The following ZNF12 variants were observed in gnomAD, a reference collection of about 807,000 sequenced individuals.
The protein encoded by ZNF12 is zinc finger protein 12.
ZNF12 carries 34 observed loss-of-function variants against 66.6 expected under a neutral mutation model. That is an observed-to-expected ratio of 0.51 (90% confidence interval 0.39 to 0.68). ZNF12 has a LOEUF of 0.68. ZNF12 is among the 30% of genes least tolerant of loss of function. The probability of loss-of-function intolerance (pLI) is 0.00; values close to 1 mark genes in which losing one functional copy is unlikely to be tolerated. For synonymous variants in ZNF12, 320 were observed against 278.9 expected (o/e 1.15, Z -1.47); for missense variants, 697 against 826.9 (o/e 0.84, Z 1.93).
In ZNF12 at chr7:6,697,670, G is replaced by C. The variant is rs1780173782; in HGVS notation, c.142+15C>G. On this transcript the variant is annotated intron_variant, in intron 3 of 4. Coordinates refer to ENST00000405858, the MANE Select transcript of ZNF12 (RefSeq NM_016265.4). This position sits in a 1 kb window ranked among gnomAD's most constrained non-coding sequence, Gnocchi z 6.1. ...CCCATATATTTTAGCAACTGAGAAA[G>C]CAAGCTATCCTCACCCACAGAAACT... 1 of 1,613,042 alleles carries C rather than the reference G, an allele frequency of 6.2e-7. No homozygotes were observed. The highest frequency in any genetic ancestry group is 1.1e-5 in the South Asian group (1 of 90,768).
At position 6,696,438 on chromosome 7, in the gene ZNF12, G is replaced by C. The variant is rs3801039; in HGVS notation, c.238+901C>G. 0.35 allele frequency among the ~76,000 whole-genome samples: 53,732 copies of C among 152,032 alleles called. 10,623 individuals carry two copies. The highest frequency in any genetic ancestry group is 0.55 in the African/African-American group (22,736 of 41,476). On this transcript the variant is annotated intron_variant, in intron 4 of 4. Coordinates refer to ENST00000405858, the MANE Select transcript of ZNF12 (RefSeq NM_016265.4). The surrounding 1 kb of genome is among the most constrained non-coding windows in gnomAD (Gnocchi z 4.0). Reference sequence around the variant, plus strand: ...GAGAACAAGAGCAGCTCTGTAACTGGTATCACAGAAAATACCAGACTAGAG... The same window carrying C: ...GAGAACAAGAGCAGCTCTGTAACTGCTATCACAGAAAATACCAGACTAGAG...
At chr7:6,702,382 CCA>C (rs143849577) in intron 2 of ZNF12, among the ~76,000 whole-genome samples, 17 of 147,746 alleles carry the variant, frequency 1.2e-4, no homozygotes, top group East Asian at 6.0e-4. Flanking sequence ...CTCCCAAACT[CCA>C]CACACACACA....
rs1780027392 is a variant in ZNF12 at position 6,688,954 on chromosome 7, T to C, written c.*1894A>G. ...ACAGTTCAAGGAAGCATACATTTTATTGTTTCAAGTTGATTTCTAATGCTC... is the reference window on the plus strand; with the variant it reads ...ACAGTTCAAGGAAGCATACATTTTACTGTTTCAAGTTGATTTCTAATGCTC... On this transcript the variant is annotated 3_prime_UTR_variant, in exon 5 of 5. Transcript: ENST00000405858. The surrounding 1 kb of genome is among the most constrained non-coding windows in gnomAD (Gnocchi z 4.3). 1 of 152,678 alleles carries C rather than the reference T, an allele frequency of 6.5e-6. No homozygotes were observed. Among genetic ancestry groups the C allele is most frequent in the South Asian group, 2.1e-4 (1 of 4,836 alleles). The allele number at this position is 152,678 out of a possible 1,614,324, so 9.5% of individuals were successfully genotyped here. A position where few individuals can be genotyped will look rare whatever the true frequency, so the allele number is the denominator to read the frequency against.
Position 6,692,378 on chromosome 7 carries a change from T to C in ZNF12, c.564A>G (p.Gln188=), listed in dbSNP as rs1780085104. The C allele has an allele frequency of 6.2e-7, 1 of 1,611,844 alleles. No homozygotes were observed. ...IKLEKTHPGD[Q]AYEFNQNGEP... ...CCCCATTTTGATTAAATTCATAAGCTTGATCTCCTGGATGAGTTTTCTCAA... is the reference window on the plus strand; with the variant it reads ...CCCCATTTTGATTAAATTCATAAGCCTGATCTCCTGGATGAGTTTTCTCAA... The change falls in exon 5 of 5, where the codon CAA becomes CAG. Residue 188 remains glutamine, a synonymous_variant. Transcript: ENST00000405858. This position sits in a 1 kb window ranked among gnomAD's most constrained non-coding sequence, Gnocchi z 5.1.
rs1394942357 is a variant in ZNF12 at position 6,696,847 on chromosome 7, A to C, written c.238+492T>G. Among the ~76,000 whole-genome samples the C allele has an allele frequency of 6.6e-6, 1 of 152,124 alleles. No individual in the cohort carries two copies. Among genetic ancestry groups the C allele is most frequent in the Non-Finnish European group, 1.5e-5 (1 of 68,016 alleles). On this transcript the variant is annotated intron_variant, in intron 4 of 4. Transcript: ENST00000405858. The surrounding 1 kb of genome is among the most constrained non-coding windows in gnomAD (Gnocchi z 4.0). ...GTCCAATGAAGCACAGGTGCACATG[A>C]CAAGTAGCAGGATCCACTGGCTTAG...
At chr7:6,694,342 C>T (rs1020994164) in intron 4 of ZNF12, among the ~76,000 whole-genome samples, 1 of 152,148 alleles carries the variant, frequency 6.6e-6, no homozygotes, top group African/African-American at 2.4e-5. Flanking sequence ...ATAACCTGTG[C>T]TTTCCCTGAA....
intron 2 of ZNF12, chr7:6,704,306 C>A (rs1780310709): frequency 6.8e-6 from 1 of 146,086 alleles, no homozygotes; most frequent in African/African-American, 2.5e-5. Context: ...CAGAGTGAGA[C>A]TCCATCTTTA....
Position 6,692,611 on chromosome 7 carries a change from C to T in ZNF12, c.331G>A (p.Glu111Lys), listed in dbSNP as rs781537204. The T allele has an allele frequency of 1.4e-5, 23 of 1,613,722 alleles. No individual in the cohort carries two copies. In the South Asian group the frequency reaches 2.1e-4, roughly 15 times the overall value. ...TTACCAGGAACATTACCTCTCTCTT[C>T]AATCAGGGTCTCAATGAACACAGTT... ...RQTVFIETLIEERGNVPGKTF... is the reference protein window; with the variant it reads ...RQTVFIETLIKERGNVPGKTF... Residue 111 changes from glutamate (E) to lysine (K), a missense_variant, in exon 5 of 5, where the codon GAA (glutamate) becomes AAA (lysine). Transcript: ENST00000405858. The surrounding 1 kb of genome is among the most constrained non-coding windows in gnomAD (Gnocchi z 5.1).
chr7:6,704,917 T>C (rs1389139819), intron 2 of ZNF12, among the ~76,000 whole-genome samples: 1 of 152,190 alleles, frequency 6.6e-6, no homozygotes, highest in Non-Finnish European at 1.5e-5. Flanking sequence ...GTATTTATCA[T>C]TTTTTGTGAT....
At position 6,688,760 on chromosome 7, in the gene ZNF12, CAG is replaced by C. The variant is rs1267976574; in HGVS notation, c.*2086_*2087del. ...TATCAAGTAATCATGTGAGAGGAAA[CAG>C]AATTAGATCCTTACCTCATACTATA... On this transcript the variant is annotated 3_prime_UTR_variant, in exon 5 of 5. Transcript: ENST00000405858. The surrounding 1 kb of genome is among the most constrained non-coding windows in gnomAD (Gnocchi z 4.3). 6.6e-6 allele frequency: 1 copy of C among 152,256 alleles called. No homozygotes were observed. The highest frequency in any genetic ancestry group is 6.5e-5 in the Admixed American group (1 of 15,276). 9.4% of individuals were successfully genotyped at this position (152,256 alleles called of 1,614,324 possible). A position where few individuals can be genotyped will look rare whatever the true frequency, so the allele number is the denominator to read the frequency against.
In ZNF12 at chr7:6,691,187, G is replaced by A. The variant is rs1780061795; in HGVS notation, c.1755C>T (p.Thr585=). 6.2e-7 allele frequency: 1 copy of A among 1,613,720 alleles called. No homozygotes were observed. The highest frequency in any genetic ancestry group is 1.3e-5 in the African/African-American group (1 of 74,802). ...GATTAAGGGCTGAATTCTGGCAGAA[G>A]GTTTTCCCACATTCACTACATTCAT... ...KPYECSECGK[T]FCQNSALNRH... is the part of the protein sequence containing the mutation. Residue 585 remains threonine (T), a synonymous_variant, in exon 5 of 5, where the codon ACC becomes ACT. Transcript: ENST00000405858.
intron 4 of ZNF12, among the ~76,000 whole-genome samples, chr7:6,694,054 C>T (rs1780116244): frequency 6.6e-6 from 1 of 151,918 alleles, no homozygotes; most frequent in African/African-American, 2.4e-5. Context: ...GTGATCCCAA[C>T]TACTTGGAAG....
chr7:6,699,539 G>A (rs1025324546), intron 2 of ZNF12, among the ~76,000 whole-genome samples: 3 of 152,196 alleles, frequency 2.0e-5, no homozygotes, highest in African/African-American at 7.2e-5. Flanking sequence ...GAACTTCCTG[G>A]GGAGCAATAG....
intron 4 of ZNF12, among the ~76,000 whole-genome samples, chr7:6,695,209 C>T (rs1408528016): frequency 2.6e-5 from 4 of 152,252 alleles, no homozygotes; most frequent in Admixed American, 6.5e-5. Context: ...GCCACCACGC[C>T]CAGCCCTTGT....
rs368208318 is a variant in ZNF12 at position 6,691,004 on chromosome 7, T to A, written c.1938A>T (p.Ser646=). 6.2e-7 allele frequency: 1 copy of A among 1,614,062 alleles called. No homozygotes were observed. Among genetic ancestry groups the A allele is most frequent in the African/African-American group, 1.3e-5 (1 of 74,938 alleles). Residue 646 remains serine, a synonymous_variant, in exon 5 of 5, where the codon TCA becomes TCT. Coordinates refer to ENST00000405858, the MANE Select transcript of ZNF12 (RefSeq NM_016265.4). ...GAGTTCTATAATGTACAGTGAGGTATGACATCCGAGAGAAGGCTTTTCCAC... is the reference window on the plus strand; with the variant it reads ...GAGTTCTATAATGTACAGTGAGGTAAGACATCCGAGAGAAGGCTTTTCCAC... The part of the protein sequence containing the change: ...NECGKAFSRM[S]YLTVHYRTHS...
At position 6,692,562 on chromosome 7, in the gene ZNF12, G is replaced by T; in HGVS notation, c.380C>A (p.Pro127His). The change falls in exon 5 of 5, where the codon CCT (proline) becomes CAT (histidine). Residue 127 changes from proline (P) to histidine (H), a missense_variant. This residue lies in a region of ZNF12 where 241 missense variants were observed against 224.0 expected (regional missense o/e 1.08). Transcript: ENST00000405858. The surrounding 1 kb of genome is among the most constrained non-coding windows in gnomAD (Gnocchi z 5.1). The part of the protein sequence containing the change: ...PGKTFDVETN[P>H]VPSRKIAYKN... ...ATAGGCTATTTTTCTTGAAGGAACAGGGTTCGTTTCTACATCAAAAGTTTT... is the reference window on the plus strand; with the variant it reads ...ATAGGCTATTTTTCTTGAAGGAACATGGTTCGTTTCTACATCAAAAGTTTT... The T allele has an allele frequency of 6.2e-7, 1 of 1,613,826 alleles. No individual in the cohort carries two copies. The highest frequency in any genetic ancestry group is 8.5e-7 in the Non-Finnish European group (1 of 1,179,826).
chr7:6,704,763 A>AG (rs1780324243), intron 2 of ZNF12, among the ~76,000 whole-genome samples: 1 of 149,854 alleles, frequency 6.7e-6, no homozygotes, highest in Non-Finnish European at 1.5e-5. Flanking sequence ...AAAAAAAAAA[A>AG]AAAAAAAAGA....
Position 6,691,319 on chromosome 7 carries a change from T to C in ZNF12, c.1623A>G (p.Arg541=). Residue 541 remains arginine (R), a synonymous_variant, in exon 5 of 5, where the codon AGA becomes AGG. Coordinates refer to ENST00000405858, the MANE Select transcript of ZNF12 (RefSeq NM_016265.4). ...YQNSALCRHR[R]IHKGEKPYEC... ...CATAGGGCTTCTCTCCTTTGTGTATTCTCCGATGTCTACAAAGGGCTGAGT... is the reference window on the plus strand; with the variant it reads ...CATAGGGCTTCTCTCCTTTGTGTATCCTCCGATGTCTACAAAGGGCTGAGT... 2 of 1,614,040 alleles carry C rather than the reference T, an allele frequency of 1.2e-6. No homozygotes were observed. The highest frequency in any genetic ancestry group is 1.7e-6 in the Non-Finnish European group (2 of 1,179,902).
Position 6,692,033 on chromosome 7 carries a change from C to G in ZNF12, c.909G>C (p.Gly303=), listed in dbSNP as rs1025900604. The G allele has an allele frequency of 1.2e-6, 2 of 1,608,430 alleles. No homozygotes were observed. The highest frequency in any genetic ancestry group is 2.7e-5 in the African/African-American group (2 of 74,120). The change falls in exon 5 of 5, where the codon GGG becomes GGC. Residue 303 remains glycine (G), a synonymous_variant. Transcript: ENST00000405858. The surrounding 1 kb of genome is among the most constrained non-coding windows in gnomAD (Gnocchi z 5.1). ...GEKPYECNQC[G]KSFCQKGTLT... ...GGGTTCCCTTCTGGCAGAAGGATTTCCCACACTGATTACATTCGTAAGGTT... is the reference window on the plus strand; with the variant it reads ...GGGTTCCCTTCTGGCAGAAGGATTTGCCACACTGATTACATTCGTAAGGTT...
Sources: gnomAD v4.1 joint callset for allele counts (sites outside exome capture counted in the v4.1 genomes callset) on GRCh38, gnomAD v4.1.1 for gene constraint, gnomAD v4.1.1 regional missense constraint, Gnocchi (gnomAD v3.1) non-coding constraint, MANE v1.5 for transcripts, NCBI Gene and HGNC (gene_info 2026-07-23, HGNC 2026-07-21) for gene names.